Variants in DPP6 observed in about 807,000 individuals in gnomAD.
The protein encoded by DPP6 is A-type potassium channel modulatory protein DPP6.
A neutral mutation model predicts 122.6 loss-of-function variants in DPP6; 69 were observed. That is an observed-to-expected ratio of 0.56 (90% CI 0.46 to 0.69). DPP6 has a LOEUF of 0.69. Among genes scored for constraint, DPP6 ranks in the 30% least tolerant of loss-of-function variants. The pLI is 0.00. For missense variants in DPP6, 928 were observed against 1,116.9 expected, an observed-to-expected ratio of 0.83 and a Z score of 2.41; for synonymous variants, 418 against 433.1, an observed-to-expected ratio of 0.97 and a Z score of 0.43.
intron 1 of DPP6, among the ~76,000 whole-genome samples, chr7:154,424,419 G>A (rs1817724920): frequency 6.6e-6 from 1 of 152,198 alleles, no homozygotes; most frequent in Admixed American, 6.5e-5. Flanking sequence ...CAGGGAATCT[G>A]TTTCCTGCTT....
chr7:154,837,980 CA>C (rs1348172432), intron 16 of DPP6, among the ~76,000 whole-genome samples: 3 of 152,112 alleles, frequency 2.0e-5, no homozygotes, highest in African/African-American at 7.2e-5. Context: ...AGCGATCTTA[CA>C]TTTTTTTAAA....
At chr7:154,163,577 A>G (rs1288641447) in intron 1 of DPP6, among the ~76,000 whole-genome samples, 4 of 152,166 alleles carry the variant, frequency 2.6e-5, no homozygotes, top group Admixed American at 2.6e-4. Context: ...TGTAGTTCAA[A>G]TGTAAATCAT....
chr7:154,112,050 A>G (rs1004830967), intron 1 of DPP6, among the ~76,000 whole-genome samples: 5 of 152,282 alleles, frequency 3.3e-5, no homozygotes, highest in East Asian at 1.9e-4. Flanking sequence ...TTCTCCTTGC[A>G]TGTTGGCTGG....
chr7:154,220,930 T>G (rs1800268182), intron 1 of DPP6, among the ~76,000 whole-genome samples: 1 of 152,186 alleles, frequency 6.6e-6, no homozygotes, highest in Non-Finnish European at 1.5e-5. Flanking sequence ...GCTTTCTTCC[T>G]TATTTCATGG....
At chr7:154,735,379 T>C (rs1842526426) in intron 8 of DPP6, among the ~76,000 whole-genome samples, 1 of 152,208 alleles carries the variant, frequency 6.6e-6, no homozygotes, top group African/African-American at 2.4e-5. Context: ...TTCCACTTCA[T>C]CTATGACTTC....
intron 5 of DPP6, among the ~76,000 whole-genome samples, chr7:154,580,077 G>C (rs1012555357): frequency 1.3e-4 from 19 of 151,824 alleles, no homozygotes; most frequent in African/African-American, 4.4e-4. Flanking sequence ...GAGGGGATAG[G>C]ATGTAGCGGT....
chr7:154,308,977 C>T (rs1407789061), intron 1 of DPP6, among the ~76,000 whole-genome samples: 4 of 152,200 alleles, frequency 2.6e-5, no homozygotes, highest in Admixed American at 6.5e-5. Flanking sequence ...AACAAATGCA[C>T]ACACGTGAAC....
intron 1 of DPP6, among the ~76,000 whole-genome samples, chr7:154,068,817 C>A (rs1802926530): frequency 2.7e-5 from 1 of 37,410 alleles, no homozygotes; most frequent in African/African-American, 1.3e-4. Context: ...CACTTGGAGA[C>A]TAGATGTTAA....
At chr7:154,753,748 G>A (rs1843518511) in intron 8 of DPP6, among the ~76,000 whole-genome samples, 1 of 152,174 alleles carries the variant, frequency 6.6e-6, no homozygotes, top group Non-Finnish European at 1.5e-5. Flanking sequence ...TCAGCCCTGA[G>A]CCCAGGGTTT....
chr7:154,175,404 A>G (rs983601529), intron 1 of DPP6, among the ~76,000 whole-genome samples: 2 of 152,016 alleles, frequency 1.3e-5, no homozygotes, highest in African/African-American at 4.8e-5. Context: ...AAGGGAGGAG[A>G]AGGCCTGAGA....
At chr7:154,000,713 C>T (rs1563089682) in intron 1 of DPP6, among the ~76,000 whole-genome samples, 1 of 151,926 alleles carries the variant, frequency 6.6e-6, no homozygotes, top group Non-Finnish European at 1.5e-5. Flanking sequence ...CTGACGTTTC[C>T]TGGATACTTA....
chr7:154,305,407 C>A, intron 1 of DPP6: 3 of 1,221,108 alleles, frequency 2.5e-6, no homozygotes, highest in South Asian at 1.7e-5. Context: ...AATCACACTC[C>A]TCCTTACCTT....
At chr7:154,070,018 C>T (rs567253776) in intron 1 of DPP6, among the ~76,000 whole-genome samples, 1 of 151,456 alleles carries the variant, frequency 6.6e-6, no homozygotes, top group African/African-American at 2.4e-5. Context: ...TGCCACTGCA[C>T]TCCAGTCTGG....
At chr7:154,646,485 G>A (rs1477253895) in intron 6 of DPP6, among the ~76,000 whole-genome samples, 1 of 150,068 alleles carries the variant, frequency 6.7e-6, no homozygotes, top group African/African-American at 2.4e-5. Context: ...AAATCCTTCT[G>A]ACCCTTCAAG....
intron 1 of DPP6, among the ~76,000 whole-genome samples, chr7:153,917,226 G>A (rs1800365852): frequency 6.6e-6 from 1 of 152,184 alleles, no homozygotes; most frequent in Admixed American, 6.5e-5. Context: ...CCAGAGATGA[G>A]CACTTCCTGC....
chr7:154,736,549 C>T (rs1036047055), intron 8 of DPP6, among the ~76,000 whole-genome samples: 10 of 152,218 alleles, frequency 6.6e-5, no homozygotes, highest in African/African-American at 2.2e-4. Context: ...CCAGATTTGG[C>T]CCAAAAGCCA....
At chr7:154,338,912 T>A (rs1809669104) in intron 1 of DPP6, among the ~76,000 whole-genome samples, 1 of 152,188 alleles carries the variant, frequency 6.6e-6, no homozygotes, top group Admixed American at 6.5e-5. Context: ...CATCTGCGCG[T>A]TCATCCGTTT....
At chr7:154,608,525 T>C (rs1334535883) in intron 5 of DPP6, among the ~76,000 whole-genome samples, 5 of 137,940 alleles carry the variant, frequency 3.6e-5, no homozygotes, top group African/African-American at 1.3e-4. Context: ...TTAGTAGAGG[T>C]GAGGTTTCAC....
At chr7:154,766,221 A>G (rs6966524) in intron 8 of DPP6, among the ~76,000 whole-genome samples, 75,958 of 152,020 alleles carry the variant, frequency 0.5, 19,089 homozygotes, top group African/African-American at 0.53. Context: ...CTCGATGTGG[A>G]ATGACATTCA....
Sources: gnomAD v4.1 joint callset for allele counts (sites outside exome capture counted in the v4.1 genomes callset) on GRCh38, gnomAD v4.1.1 for gene constraint, MANE v1.5 for transcripts, NCBI Gene and HGNC (gene_info 2026-07-23, HGNC 2026-07-21) for gene names.